Variants in BFSP1 observed in about 807,000 individuals in gnomAD.
The protein encoded by BFSP1 is beaded filament structural protein 1.
BFSP1 carries 38 observed loss-of-function variants against 43.9 expected under a neutral mutation model. The ratio of observed to expected loss-of-function variants is 0.87; its 90% confidence interval spans 0.67 to 1.14. The LOEUF is 1.14. Among genes scored for constraint, BFSP1 ranks in the 50% most tolerant of loss-of-function variants. BFSP1 has a pLI of 0.00. For missense variants in BFSP1, 850 were observed against 875.1 expected (o/e 0.97, Z 0.36); for synonymous variants, 352 against 354.8 (o/e 0.99, Z 0.09).
At chr20:17,519,412 AC>A (rs1239648876) in intron 2 of BFSP1, among the ~76,000 whole-genome samples, 7 of 152,218 alleles carry the variant, frequency 4.6e-5, no homozygotes, top group African/African-American at 1.7e-4. Flanking sequence ...ACTCGATGCA[AC>A]ATGAGGGCTC....
chr20:17,493,905 T>C lies in BFSP1; in HGVS notation c.*169A>G. The C allele has an allele frequency of 1.5e-6, 1 of 649,126 alleles. No homozygotes were observed. The highest frequency in any genetic ancestry group is 2.2e-5 in the South Asian group (1 of 45,476). The allele number at this position is 649,126 out of a possible 1,614,324, so 40.2% of individuals were successfully genotyped here. ...GTCCCTATTAATTAGACAAAGGATG[T>C]GCAAGCAAAGAAAACATTTTAATGA... On this transcript the variant is annotated 3_prime_UTR_variant, in exon 8 of 8. Coordinates refer to ENST00000377873, the MANE Select transcript of BFSP1 (RefSeq NM_001195.5).
At position 17,531,025 on chromosome 20, in the gene BFSP1, A is replaced by G; in HGVS notation, c.305T>C (p.Leu102Pro). Residue 102 changes from leucine (L) to proline (P), a missense_variant, in exon 1 of 8, where the codon CTG becomes CCG. Physicochemically the swap from Leu to Pro is moderately conservative, Grantham distance 98 (BLOSUM62 -3). Coordinates refer to ENST00000377873, the MANE Select transcript of BFSP1 (RefSeq NM_001195.5). The part of the protein sequence containing the change: ...VESNRQRVRD[L>P]EAERARLERQ... The stretch of plus-strand genomic sequence containing the variant: ...CTCCAGCCGGGCGCGCTCGGCCTCC[A>G]GGTCCCGGACGCGCTGGCGGTTGCT... 1 of 1,427,110 alleles carries G rather than the reference A, an allele frequency of 7.0e-7. No homozygotes were observed. Among genetic ancestry groups the G allele is most frequent in the Non-Finnish European group, 9.1e-7 (1 of 1,094,536 alleles). 88.4% of individuals were successfully genotyped at this position (1,427,110 alleles called of 1,614,324 possible).
At chr20:17,503,319 A>T (rs1413543275) in intron 5 of BFSP1, among the ~76,000 whole-genome samples, 4 of 152,268 alleles carry the variant, frequency 2.6e-5, no homozygotes, top group Non-Finnish European at 4.4e-5. Context: ...CGTGAGCCAT[A>T]GCACCTATAA....
intron 1 of BFSP1, among the ~76,000 whole-genome samples, chr20:17,553,468 A>G (rs1201199362): frequency 6.6e-6 from 1 of 152,212 alleles, no homozygotes; most frequent in Non-Finnish European, 1.5e-5. Context: ...TCTATGTGCC[A>G]AGTGACATTC....
rs763034283 is a variant in BFSP1 at position 17,498,819 on chromosome 20, C to T, written c.956+1G>A. The T allele has an allele frequency of 6.2e-7, 1 of 1,612,184 alleles. No individual in the cohort carries two copies. Among genetic ancestry groups the T allele is most frequent in the Admixed American group, 1.7e-5 (1 of 59,974 alleles). On this transcript the variant is annotated splice_donor_variant, in intron 6 of 7. Coordinates refer to ENST00000377873, the MANE Select transcript of BFSP1 (RefSeq NM_001195.5). LOFTEE classifies it high-confidence loss of function. ...CCTGGATGGGGAGGGCACACGCTCA[C>T]CTGTTGCCTTCAATCTCGATGATAC...
At chr20:17,559,379 T>C (rs2035045945), upstream of BFSP1, among the ~76,000 whole-genome samples, 1 of 152,230 alleles carries the variant, frequency 6.6e-6, no homozygotes, top group Non-Finnish European at 1.5e-5. Flanking sequence ...GCTAAGACTG[T>C]GCCAGGCACT....
chr20:17,538,893 A>T (rs973133648), intron 1 of BFSP1, among the ~76,000 whole-genome samples: 7 of 151,864 alleles, frequency 4.6e-5, no homozygotes, highest in Non-Finnish European at 7.4e-5. Context: ...ACCTACCACC[A>T]CTTTCAAGTT....
chr20:17,534,460 C>T (rs1318428012), upstream of BFSP1, among the ~76,000 whole-genome samples: 4 of 152,138 alleles, frequency 2.6e-5, no homozygotes, highest in East Asian at 7.7e-4. Context: ...ACTATCTCAG[C>T]GTAAATATAG....
At chr20:17,504,391 G>T (rs540905820) in intron 5 of BFSP1, among the ~76,000 whole-genome samples, 1 of 152,246 alleles carries the variant, frequency 6.6e-6, no homozygotes, top group African/African-American at 2.4e-5. Context: ...AGCTCAACAG[G>T]AATGGAGATG....
upstream of BFSP1, among the ~76,000 whole-genome samples, chr20:17,535,018 C>T (rs540167344): frequency 1.3e-5 from 2 of 151,996 alleles, no homozygotes; most frequent in South Asian, 4.2e-4. Context: ...GAGACTCCAT[C>T]TCAAAAATAA....
chr20:17,568,827 G>A (rs2035154309), intron 1 of BFSP1, among the ~76,000 whole-genome samples: 1 of 151,758 alleles, frequency 6.6e-6, no homozygotes, highest in Non-Finnish European at 1.5e-5. Flanking sequence ...TGACCATCTT[G>A]TCCAAAAGTC....
upstream of BFSP1, among the ~76,000 whole-genome samples, chr20:17,534,716 A>C (rs1412500698): frequency 6.6e-6 from 1 of 152,228 alleles, no homozygotes; most frequent in East Asian, 1.9e-4. Flanking sequence ...CTGAAGAGAC[A>C]GGACATCTAA....
At position 17,525,025 on chromosome 20, in the gene BFSP1, T is replaced by A; in HGVS notation, c.378-117A>T. The A allele has an allele frequency of 3.4e-6, 3 of 883,542 alleles. No homozygotes were observed. The highest frequency in any genetic ancestry group is 5.6e-6 in the Non-Finnish European group (3 of 531,388). 54.7% of individuals were successfully genotyped at this position (883,542 alleles called of 1,614,324 possible). On this transcript the variant is annotated intron_variant, in intron 1 of 7. Transcript: ENST00000377873. The surrounding 1 kb of genome is among the most constrained non-coding windows in gnomAD (Gnocchi z 4.2). The stretch of plus-strand genomic sequence containing the variant: ...GATGCCCTCTCCTTTAAGGAGAGGG[T>A]CTTAATTTTAAAGTAGTAGCTAACG...
chr20:17,553,274 A>G (rs958493734), intron 1 of BFSP1, among the ~76,000 whole-genome samples: 29 of 152,224 alleles, frequency 1.9e-4, no homozygotes, highest in African/African-American at 6.5e-4. Flanking sequence ...TGGTCATATG[A>G]GTAAAAGCAG....
At chr20:17,531,998 A>G (rs1340037130), upstream of BFSP1, among the ~76,000 whole-genome samples, 1 of 152,220 alleles carries the variant, frequency 6.6e-6, no homozygotes. Context: ...GTAATTTCTT[A>G]GTAATACCCG....
At chr20:17,529,708 C>G (rs976273418) in intron 1 of BFSP1, among the ~76,000 whole-genome samples, 1 of 152,218 alleles carries the variant, frequency 6.6e-6, no homozygotes, top group Admixed American at 6.5e-5. Context: ...AGGCTTATTG[C>G]AGATCCTGCT....
intron 6 of BFSP1, among the ~76,000 whole-genome samples, chr20:17,497,568 A>G (rs201049307): frequency 3.9e-5 from 1 of 25,938 alleles, no homozygotes; most frequent in Non-Finnish European, 5.9e-5. Flanking sequence ...ATGTGTGTGT[A>G]TATGTATATA....
Position 17,545,016 on chromosome 20 carries a change from T to C in BFSP1, c.2+13672A>G, listed in dbSNP as rs185840022. 1.4e-3 allele frequency among the ~76,000 whole-genome samples: 206 copies of C among 152,350 alleles called. 1 individual carries two copies. Among genetic ancestry groups the C allele is most frequent in the Non-Finnish European group, 1.8e-3 (125 of 68,032 alleles). ...AATCTGATCATTTGTGTTCTTGTCA[T>C]GTGAAAAGGGGAAAGTCAATATTTT... is the stretch of plus-strand genomic sequence containing the variant. On this transcript the variant is annotated intron_variant, in intron 1 of 7. Coordinates refer to the BFSP1 transcript ENST00000377868.
At position 17,507,272 on chromosome 20, in the gene BFSP1, GGTGTGT is replaced by G. The variant is rs373485156; in HGVS notation, c.735+1611_735+1616del. 5.9e-3 allele frequency among the ~76,000 whole-genome samples: 840 copies of G among 141,298 alleles called. 11 individuals carry two copies. The highest frequency in any genetic ancestry group is 0.02 in the African/African-American group (770 of 37,866). 92.7% of individuals were successfully genotyped at this position (141,298 alleles called of 152,430 possible). On this transcript the variant is annotated intron_variant, in intron 5 of 7. Coordinates refer to ENST00000377873, the MANE Select transcript of BFSP1 (RefSeq NM_001195.5). This position sits in a 1 kb window ranked among gnomAD's most constrained non-coding sequence, Gnocchi z 4.4. ...GCGAGCCATACACATCAGATAGGTA[GGTGTGT>G]GTGTGTGTGTGTGTGTGTGTGTGTG...
Sources: allele counts gnomAD v4.1 joint callset (sites outside exome capture counted in the v4.1 genomes callset), GRCh38; gene constraint gnomAD v4.1.1; non-coding constraint Gnocchi (gnomAD v3.1); transcripts MANE v1.5; gene names NCBI Gene and HGNC (gene_info 2026-07-23, HGNC 2026-07-21).